Variants in COA8 observed in about 807,000 individuals in gnomAD.
The protein encoded by COA8 is cytochrome c oxidase assembly factor 8.
In COA8, 20 loss-of-function variants were observed where a neutral mutation model predicts 22.0. That is an observed-to-expected ratio of 0.91 (90% CI 0.64 to 1.32). The LOEUF is 1.32. Among genes scored for constraint, COA8 ranks in the 40% most tolerant of loss-of-function variants. The pLI is 0.00. For missense variants in COA8, 266 were observed against 230.0 expected, an observed-to-expected ratio of 1.16 and a Z score of -1.01; for synonymous variants, 105 against 79.9, an observed-to-expected ratio of 1.31 and a Z score of -1.68.
At chr14:103,586,200 C>CTTTT (rs71126040) in intron 3 of COA8, among the ~76,000 whole-genome samples, 4 of 92,688 alleles carry the variant, frequency 4.3e-5, no homozygotes, top group African/African-American at 1.2e-4. Context: ...TGCACCTGGC[C>CTTTT]TTTTTTTTTT....
chr14:103,578,124 G>A (rs181795369), intron 3 of COA8, among the ~76,000 whole-genome samples: 2 of 152,120 alleles, frequency 1.3e-5, no homozygotes, highest in East Asian at 3.9e-4. Context: ...AGCCCAGGGG[G>A]TGGAGGCTGC....
At position 103,590,504 on chromosome 14, in the gene COA8, G is replaced by A. The variant is rs2076343638; in HGVS notation, c.*218G>A. ...GCCAGCTTGTTGTCACGTACGTGGT[G>A]TGAAATAAAGCCCAAGCACTGGGTG... On this transcript the variant is annotated 3_prime_UTR_variant, in exon 5 of 5. Coordinates refer to ENST00000409074, the MANE Select transcript of COA8 (RefSeq NM_001370595.2). 2.1e-6 allele frequency: 1 copy of A among 487,392 alleles called. No homozygotes were observed. Among genetic ancestry groups the A allele is most frequent in the African/African-American group, 2.0e-5 (1 of 50,392 alleles). 30.2% of individuals were successfully genotyped at this position (487,392 alleles called of 1,614,324 possible). A position where few individuals can be genotyped will look rare whatever the true frequency, so the allele number is the denominator to read the frequency against.
chr14:103,570,314 C>T (rs1408791623), intron 1 of COA8, among the ~76,000 whole-genome samples: 1 of 152,180 alleles, frequency 6.6e-6, no homozygotes, highest in Non-Finnish European at 1.5e-5. Flanking sequence ...TATTTTAACC[C>T]TGACGATGAG....
rs76695506 is a variant in COA8 at position 103,576,599 on chromosome 14, C to T, written c.385+2429C>T. Among the ~76,000 whole-genome samples, 109 of 152,286 alleles carry T rather than the reference C, an allele frequency of 7.2e-4. 1 individual carries two copies. The highest frequency in any genetic ancestry group is 2.3e-3 in the African/African-American group (95 of 41,554). ...GCCCCAGTCATGGCCTGTGCTCAGA[C>T]GCTAGGACCAGAGCAATTTCTTCCT... On this transcript the variant is annotated intron_variant, in intron 3 of 4. Transcript: ENST00000409074.
chr14:103,587,227 A>T (rs1375751782), intron 3 of COA8, 47 bp from the exon 4 acceptor site: 3 of 1,528,700 alleles, frequency 2.0e-6, no homozygotes, highest in Admixed American at 3.7e-5. Flanking sequence ...TTTTTTGTTT[A>T]TCCTTTCTCC....
intron 3 of COA8, chr14:103,579,619 G>A (rs770512090): frequency 6.7e-6 from 1 of 149,346 alleles, no homozygotes; most frequent in Non-Finnish European, 1.5e-5. Context: ...AAAGTTCTGG[G>A]ATTATAGGCA....
chr14:103,580,543 G>C (rs2076260257), intron 3 of COA8, among the ~76,000 whole-genome samples: 1 of 151,936 alleles, frequency 6.6e-6, no homozygotes, highest in African/African-American at 2.4e-5. Flanking sequence ...CGCCAGGCTG[G>C]AGTGCAGTGG....
chr14:103,574,429 C>A (rs776168945), intron 3 of COA8: 9 of 625,020 alleles, frequency 1.4e-5, no homozygotes, highest in Non-Finnish European at 2.7e-5. Flanking sequence ...CTTTGACTTT[C>A]GTACTGAGGT....
intron 3 of COA8, among the ~76,000 whole-genome samples, chr14:103,577,801 G>A (rs2076239869): frequency 6.6e-6 from 1 of 152,032 alleles, no homozygotes. Flanking sequence ...GAGGCAGGCG[G>A]ATCACCTGAG....
intron 3 of COA8, among the ~76,000 whole-genome samples, chr14:103,586,111 G>A (rs1287139046): frequency 6.6e-6 from 1 of 151,182 alleles, no homozygotes; most frequent in Non-Finnish European, 1.5e-5. Context: ...ACGTTGGCCA[G>A]GCTGGTCTCG....
intron 1 of COA8, among the ~76,000 whole-genome samples, chr14:103,570,821 G>A (rs376266543): frequency 6.6e-6 from 1 of 152,216 alleles, no homozygotes; most frequent in Admixed American, 6.5e-5. Context: ...GCATCTGGGG[G>A]CTAGATTTTT....
At chr14:103,570,011 C>A (rs1304206851) in intron 1 of COA8, among the ~76,000 whole-genome samples, 1 of 152,126 alleles carries the variant, frequency 6.6e-6, no homozygotes, top group Non-Finnish European at 1.5e-5. Flanking sequence ...TGCCGGCCAC[C>A]ACGCATGGCT....
intron 3 of COA8, among the ~76,000 whole-genome samples, chr14:103,584,910 C>T (rs755733120): frequency 7.9e-5 from 12 of 152,072 alleles, no homozygotes; most frequent in Non-Finnish European, 1.5e-4. Context: ...GAGGCCAAGG[C>T]GGGCGGATCA....
In COA8 at chr14:103,563,059, G is replaced by C. The variant is rs750359122; in HGVS notation, c.58G>C (p.Ala20Pro). 107 of 1,538,190 alleles carry C rather than the reference G, an allele frequency of 7.0e-5. 1 individual carries two copies. The highest frequency in any genetic ancestry group is 8.5e-5 in the Non-Finnish European group (98 of 1,147,574). ...TCTCCCCCCTCTCTGCCGCGCCTTC[G>C]CCTGCCGCGGCTGTCAACTCGCTCC... ...TFLPPLCRAF[A>P]CRGCQLAPER... The change falls in exon 1 of 5, where the codon GCC (alanine) becomes CCC (proline). Residue 20 changes from alanine to proline, a missense_variant. Physicochemically the swap from Ala to Pro is conservative, Grantham distance 27. Coordinates refer to ENST00000409074, the MANE Select transcript of COA8 (RefSeq NM_001370595.2).
chr14:103,570,240 G>A (rs1232042528), intron 1 of COA8, among the ~76,000 whole-genome samples: 3 of 152,130 alleles, frequency 2.0e-5, no homozygotes, highest in Non-Finnish European at 4.4e-5. Context: ...TTGAAGGTCT[G>A]TATTGCAATC....
chr14:103,572,628 G>A (rs548755873), intron 2 of COA8, among the ~76,000 whole-genome samples: 24 of 152,074 alleles, frequency 1.6e-4, no homozygotes, highest in Non-Finnish European at 3.1e-4. Flanking sequence ...GACTTGGGAG[G>A]CTGAGGCACA....
intron 4 of COA8, among the ~76,000 whole-genome samples, chr14:103,589,246 C>T (rs1379161042): frequency 6.6e-6 from 1 of 152,208 alleles, no homozygotes; most frequent in African/African-American, 2.4e-5. Flanking sequence ...CCTTGAAGAA[C>T]TGTAATCCCC....
intron 2 of COA8, among the ~76,000 whole-genome samples, chr14:103,572,131 A>C (rs963382581): frequency 4.5e-4 from 69 of 152,140 alleles, no homozygotes; most frequent in African/African-American, 1.3e-3. Flanking sequence ...GTCTCAAAAA[A>C]AAAAAAAGAA....
intron 1 of COA8, among the ~76,000 whole-genome samples, chr14:103,565,324 A>AAT (rs2076128060): frequency 6.6e-6 from 1 of 152,030 alleles, no homozygotes. Flanking sequence ...TTCCTTCCAA[A>AAT]TCCATCTTTA....
Sources: gnomAD v4.1 joint callset for allele counts (sites outside exome capture counted in the v4.1 genomes callset) on GRCh38, gnomAD v4.1.1 for gene constraint, MANE v1.5 for transcripts, NCBI Gene and HGNC (gene_info 2026-07-23, HGNC 2026-07-21) for gene names.